The following KIF4A variants were observed in gnomAD, a reference collection of about 807,000 sequenced individuals.
KIF4A encodes the protein kinesin family member 4A, also known as chromosome-associated kinesin KIF4A.
Under a neutral mutation model 105.9 loss-of-function variants are expected in KIF4A, and 7 were observed. That is an observed-to-expected ratio of 0.07 (90% CI 0.04 to 0.12). KIF4A has a LOEUF of 0.12. KIF4A is among the 10% of genes least tolerant of loss of function. The pLI is 1.00. For synonymous variants in KIF4A, 281 were observed against 331.3 expected (o/e 0.85, Z 1.65); for missense variants, 558 against 929.2 (o/e 0.60, Z 5.19).
chrX:70,301,562 G>A lies in KIF4A; in HGVS notation c.517-338G>A, dbSNP rs771829958. 1.3e-4 allele frequency among the ~76,000 whole-genome samples: 15 copies of A among 111,687 alleles called. No individual in the cohort carries two copies. The South Asian group carries it at 5.7e-3, about 42-fold the overall frequency. Reference sequence around the variant, plus strand: ...GAAAGTAACAAAGAGAAATGCCATCGCTGTTTGTGTTGTACTTGCTCTCCT... The same window carrying A: ...GAAAGTAACAAAGAGAAATGCCATCACTGTTTGTGTTGTACTTGCTCTCCT... On this transcript the variant is annotated intron_variant, in intron 5 of 30. Transcript: ENST00000374403.
chrX:70,385,320 A>T (rs1379316657), intron 18 of KIF4A, among the ~76,000 whole-genome samples: 1 of 111,888 alleles, frequency 8.9e-6, no homozygotes, highest in Non-Finnish European at 1.9e-5. Context: ...TGGAGTGACC[A>T]GTAATGACAA....
intron 20 of KIF4A, among the ~76,000 whole-genome samples, chrX:70,393,398 G>A (rs2086244961): frequency 9.0e-6 from 1 of 111,424 alleles, no homozygotes; most frequent in Non-Finnish European, 1.9e-5. Context: ...AGAAGAATGG[G>A]TATTCTGCTG....
chrX:70,408,747 TC>T (rs1242114697), intron 28 of KIF4A, among the ~76,000 whole-genome samples: 1 of 112,368 alleles, frequency 8.9e-6, no homozygotes, highest in East Asian at 2.8e-4. Flanking sequence ...TAAGAGCTCA[TC>T]CTTAGCTTCA....
intron 15 of KIF4A, 74 bp downstream of exon 15, chrX:70,353,881 A>G: frequency 1.1e-6 from 1 of 883,967 alleles, no homozygotes; most frequent in Non-Finnish European, 1.5e-6. Context: ...AACAACAAGC[A>G]TATAATTTTT....
chrX:70,383,535 G>A (rs1410145789), intron 18 of KIF4A, among the ~76,000 whole-genome samples: 1 of 111,761 alleles, frequency 8.9e-6, no homozygotes. Flanking sequence ...TCTTAGTTTT[G>A]TCTACCCAGG....
intron 11 of KIF4A, among the ~76,000 whole-genome samples, chrX:70,342,512 A>G (rs1189188342): frequency 8.9e-6 from 1 of 112,145 alleles, no homozygotes; most frequent in Non-Finnish European, 1.9e-5. Context: ...TGCTGACTCT[A>G]TCACTAAGGT....
intron 28 of KIF4A, among the ~76,000 whole-genome samples, chrX:70,416,767 ATT>A (rs1044187204): frequency 1.8e-5 from 2 of 112,438 alleles, no homozygotes; most frequent in Non-Finnish European, 3.8e-5. Flanking sequence ...TTGAATTGTG[ATT>A]CTTTTATCTT....
intron 18 of KIF4A, among the ~76,000 whole-genome samples, chrX:70,377,806 C>T (rs947422380): frequency 8.9e-6 from 1 of 112,042 alleles, no homozygotes; most frequent in Non-Finnish European, 1.9e-5. Flanking sequence ...CATGGTGGCA[C>T]ATCTGTGATC....
chrX:70,328,331 GT>G (rs989876010), intron 7 of KIF4A, among the ~76,000 whole-genome samples: 17 of 110,859 alleles, frequency 1.5e-4, no homozygotes, highest in African/African-American at 5.6e-4. Context: ...GATAAACGGT[GT>G]GTCCCCACAT....
At chrX:70,352,717 T>G in intron 14 of KIF4A, 61 bp downstream of exon 14, 1 of 773,123 alleles carries the variant, frequency 1.3e-6, no homozygotes, top group Admixed American at 2.5e-5. Flanking sequence ...CTATAATTTA[T>G]CACTCAACTG....
At chrX:70,368,481 G>A (rs2086115110) in intron 15 of KIF4A, among the ~76,000 whole-genome samples, 1 of 112,362 alleles carries the variant, frequency 8.9e-6, no homozygotes, top group African/African-American at 3.2e-5. Flanking sequence ...AAGACCCTTA[G>A]CTGCAGGTAT....
intron 18 of KIF4A, among the ~76,000 whole-genome samples, chrX:70,380,004 A>T (rs1226535085): frequency 2.7e-5 from 3 of 111,234 alleles, no homozygotes; most frequent in Non-Finnish European, 5.7e-5. Flanking sequence ...ATCCATCAAC[A>T]TTTAAAAAGG....
At chrX:70,360,705 C>G (rs1175537132) in intron 15 of KIF4A, among the ~76,000 whole-genome samples, 5 of 112,920 alleles carry the variant, frequency 4.4e-5, no homozygotes, top group African/African-American at 1.6e-4. Context: ...GCCATGTGCT[C>G]CCGGAGCAGC....
chrX:70,299,778 G>T (rs910999488), intron 5 of KIF4A, among the ~76,000 whole-genome samples: 1 of 111,806 alleles, frequency 8.9e-6, no homozygotes, highest in Non-Finnish European at 1.9e-5. Flanking sequence ...GCTTTGGGAT[G>T]ATATTTTTAA....
intron 7 of KIF4A, among the ~76,000 whole-genome samples, chrX:70,302,664 C>A (rs113066344): frequency 9.0e-6 from 1 of 111,654 alleles, no homozygotes; most frequent in Non-Finnish European, 1.9e-5. Flanking sequence ...TTTTGTTTTA[C>A]CCCAACTATT....
chrX:70,330,570 T>C (rs757412804), intron 9 of KIF4A, among the ~76,000 whole-genome samples: 43 of 111,568 alleles, frequency 3.9e-4, no homozygotes, highest in Non-Finnish European at 7.2e-4. Context: ...ATGAGAGGTG[T>C]AGACAGGGGC....
intron 15 of KIF4A, among the ~76,000 whole-genome samples, chrX:70,369,280 C>T (rs1183745481): frequency 8.9e-6 from 1 of 112,291 alleles, no homozygotes; most frequent in African/African-American, 3.2e-5. Flanking sequence ...TGACAATCCC[C>T]AGTGAGACGA....
intron 28 of KIF4A, among the ~76,000 whole-genome samples, chrX:70,416,375 C>T (rs1193546343): frequency 9.9e-5 from 7 of 70,497 alleles, no homozygotes; most frequent in Non-Finnish European, 1.7e-4. Flanking sequence ...TTTTTTGAGA[C>T]GAGGTCTCAC....
intron 10 of KIF4A, among the ~76,000 whole-genome samples, chrX:70,339,316 A>C (rs778373075): frequency 9.0e-6 from 1 of 111,696 alleles, no homozygotes; most frequent in Admixed American, 9.5e-5. Flanking sequence ...TAAAGTTGCT[A>C]TAATTTCACC....
Sources: gnomAD v4.1 joint callset for allele counts (sites outside exome capture counted in the v4.1 genomes callset) on GRCh38, gnomAD v4.1.1 for gene constraint, MANE v1.5 for transcripts, NCBI Gene and HGNC (gene_info 2026-07-23, HGNC 2026-07-21) for gene names.